The following PLA2G4A variants were observed in gnomAD, a reference collection of about 807,000 sequenced individuals.
PLA2G4A encodes phospholipase A2 group IVA.
A neutral mutation model predicts 81.9 loss-of-function variants in PLA2G4A; 40 were observed. The observed-to-expected ratio is 0.49, with a 90% CI of 0.38 to 0.64. The LOEUF (loss-of-function observed/expected upper bound fraction) is 0.64. PLA2G4A is among the 30% of genes least tolerant of loss of function. PLA2G4A has a pLI of 0.00. For missense variants in PLA2G4A, 715 were observed against 905.1 expected, an observed-to-expected ratio of 0.79 and a Z score of 2.69; for synonymous variants, 302 against 296.9, an observed-to-expected ratio of 1.02 and a Z score of -0.18.
At chr1:186,926,685 T>A (rs569835474) in intron 7 of PLA2G4A, among the ~76,000 whole-genome samples, 1 of 152,338 alleles carries the variant, frequency 6.6e-6, no homozygotes, top group Admixed American at 6.5e-5. Flanking sequence ...GACCTCAACG[T>A]TGAATTAAAT....
chr1:186,927,510 AC>A (rs1359590695), intron 7 of PLA2G4A, among the ~76,000 whole-genome samples: 1 of 152,214 alleles, frequency 6.6e-6, no homozygotes, highest in South Asian at 2.1e-4. Context: ...CCATACCATA[AC>A]GCGGTTGGTT....
chr1:186,884,500 A>G (rs1045570359), intron 3 of PLA2G4A, among the ~76,000 whole-genome samples: 1 of 152,142 alleles, frequency 6.6e-6, no homozygotes, highest in Non-Finnish European at 1.5e-5. Flanking sequence ...TAGGAAACAC[A>G]TATTAAATTA....
chr1:186,978,305 C>T (rs776536879), intron 16 of PLA2G4A, among the ~76,000 whole-genome samples: 1 of 151,992 alleles, frequency 6.6e-6, no homozygotes, highest in Non-Finnish European at 1.5e-5. Context: ...AGGGGTCTCT[C>T]GACTCTTGTG....
At chr1:186,911,464 C>T (rs1654940012) in intron 7 of PLA2G4A, 75 bp downstream of exon 7, 7 of 1,085,076 alleles carry the variant, frequency 6.5e-6, no homozygotes, top group South Asian at 3.7e-5. Flanking sequence ...AATAATTTTA[C>T]CCAAATATGG....
Position 186,908,301 on chromosome 1 carries a change from G to A in PLA2G4A, c.416+1299G>A, listed in dbSNP as rs569106633. 9.9e-5 allele frequency among the ~76,000 whole-genome samples: 15 copies of A among 151,688 alleles called. No individual in the cohort carries two copies. In the East Asian group the frequency reaches 2.9e-3, roughly 29 times the overall value. On this transcript the variant is annotated intron_variant, in intron 6 of 17. Transcript: ENST00000367466. ...AAAACTGATATCCTTAAAACATCTA[G>A]GTCATTATACTGTTCAAAAATTTTT... is the stretch of plus-strand genomic sequence containing the variant.
intron 2 of PLA2G4A, among the ~76,000 whole-genome samples, chr1:186,861,288 C>T (rs12720497): frequency 0.25 from 37,999 of 151,998 alleles, 5,638 homozygotes; most frequent in Non-Finnish European, 0.33. Context: ...GGTTTACCAG[C>T]GACCTTATCC....
intron 16 of PLA2G4A, 128 bp downstream of exon 16, chr1:186,977,916 A>AAAT: frequency 1.4e-6 from 1 of 727,162 alleles, no homozygotes; most frequent in Non-Finnish European, 2.5e-6. Flanking sequence ...TTACCTTGAT[A>AAAT]AATAGATACT....
At chr1:186,951,169 C>G (rs1656548254) in intron 13 of PLA2G4A, among the ~76,000 whole-genome samples, 1 of 152,058 alleles carries the variant, frequency 6.6e-6, no homozygotes, top group Non-Finnish European at 1.5e-5. Flanking sequence ...ACTGGCTACA[C>G]CCTCCCTCTT....
intron 10 of PLA2G4A, among the ~76,000 whole-genome samples, chr1:186,940,652 G>GT (rs764469133): frequency 6.6e-6 from 1 of 152,124 alleles, no homozygotes; most frequent in Non-Finnish European, 1.5e-5. Flanking sequence ...TAAATGCTAG[G>GT]TAAATAGTTG....
intron 3 of PLA2G4A, among the ~76,000 whole-genome samples, chr1:186,873,470 T>C (rs1653359000): frequency 1.3e-5 from 2 of 152,100 alleles, no homozygotes; most frequent in African/African-American, 4.8e-5. Flanking sequence ...TAGAGTTCCA[T>C]AAAATTCTAC....
intron 13 of PLA2G4A, among the ~76,000 whole-genome samples, chr1:186,952,535 G>C (rs2207210): frequency 0.96 from 145,867 of 152,270 alleles, 69,913 homozygotes; most frequent in East Asian, 1. Context: ...TGGTACATTT[G>C]TTACAAGTGA....
At chr1:186,841,438 G>A (rs1472077850) in intron 1 of PLA2G4A, among the ~76,000 whole-genome samples, 1 of 152,164 alleles carries the variant, frequency 6.6e-6, no homozygotes, top group African/African-American at 2.4e-5. Flanking sequence ...GTGGGGGGCA[G>A]GGTGGGGCAG....
At chr1:186,976,974 T>C (rs781407940) in intron 15 of PLA2G4A, among the ~76,000 whole-genome samples, 3 of 152,174 alleles carry the variant, frequency 2.0e-5, no homozygotes, top group Non-Finnish European at 2.9e-5. Context: ...ATGGAAACCA[T>C]CATACAATTT....
chr1:186,892,025 C>T (rs1359399385), intron 3 of PLA2G4A, among the ~76,000 whole-genome samples: 4 of 152,142 alleles, frequency 2.6e-5, no homozygotes, highest in Admixed American at 6.6e-5. Context: ...TTTTGATTTG[C>T]GTTTCTCTTA....
rs573998014 is a variant in PLA2G4A at position 186,850,997 on chromosome 1, T to G, written c.-69-3289T>G. 1.2e-4 allele frequency among the ~76,000 whole-genome samples: 19 copies of G among 152,212 alleles called. No individual in the cohort carries two copies. In the East Asian group the frequency reaches 3.3e-3, roughly 26 times the overall value. ...TGATAAGTCTATGTAATGTTTATCT[T>G]AAAAGCAAATCATATGCATTGAATA... On this transcript the variant is annotated intron_variant, in intron 1 of 17. Coordinates refer to ENST00000367466, the MANE Select transcript of PLA2G4A (RefSeq NM_024420.3).
At chr1:186,898,074 T>A (rs1372633882) in intron 5 of PLA2G4A, among the ~76,000 whole-genome samples, 1 of 152,156 alleles carries the variant, frequency 6.6e-6, no homozygotes, top group African/African-American at 2.4e-5. Context: ...TCATTTGGCC[T>A]TCTTCACCCA....
chr1:186,936,572 G>A (rs1655954406), intron 8 of PLA2G4A, among the ~76,000 whole-genome samples: 8 of 151,986 alleles, frequency 5.3e-5, no homozygotes, highest in Admixed American at 5.3e-4. Flanking sequence ...AGTTGCAGAT[G>A]AGAATCACTT....
chr1:186,975,657 G>A (rs886999122), intron 15 of PLA2G4A, among the ~76,000 whole-genome samples: 4 of 152,344 alleles, frequency 2.6e-5, no homozygotes, highest in Admixed American at 1.3e-4. Flanking sequence ...TTGGGAGCCT[G>A]CTATGTCAGG....
At chr1:186,965,055 T>C (rs12144159) in intron 14 of PLA2G4A, among the ~76,000 whole-genome samples, 39,447 of 152,164 alleles carry the variant, frequency 0.26, 5,569 homozygotes, top group Admixed American at 0.4. Context: ...CATGAGGAAA[T>C]GTTTAGAAAC....
Sources: allele counts gnomAD v4.1 joint callset (sites outside exome capture counted in the v4.1 genomes callset), GRCh38; gene constraint gnomAD v4.1.1; transcripts MANE v1.5; gene names NCBI Gene and HGNC (gene_info 2026-07-23, HGNC 2026-07-21).